Variants in CALN1 observed in about 807,000 individuals in gnomAD.
CALN1 encodes the protein calneuron 1, also known as calcium-binding protein 8.
A neutral mutation model predicts 30.6 loss-of-function variants in CALN1; 17 were observed. The observed-to-expected ratio is 0.56, with a 90% CI of 0.38 to 0.83. The LOEUF is 0.83. Among genes scored for constraint, CALN1 ranks in the 40% least tolerant of loss-of-function variants. CALN1 has a pLI of 0.00. For missense variants in CALN1, 291 were observed against 354.9 expected (o/e 0.82, Z 1.45); for synonymous variants, 156 against 131.4 (o/e 1.19, Z -1.28).
the CALN1 span, among the ~76,000 whole-genome samples, chr7:72,493,901 T>C: frequency 6.6e-6 from 1 of 152,202 alleles, no homozygotes; most frequent in Non-Finnish European, 1.5e-5. Flanking sequence ...CATGTATAAG[T>C]CTAGGGCTTG....
intron 5 of CALN1, among the ~76,000 whole-genome samples, chr7:71,820,325 A>G (rs939833388): frequency 5.9e-5 from 9 of 152,140 alleles, no homozygotes; most frequent in Non-Finnish European, 1.2e-4. Flanking sequence ...GACTGAACCA[A>G]TGTCATCTTA....
chr7:71,882,670 T>C (rs1436283259), intron 5 of CALN1, among the ~76,000 whole-genome samples: 2 of 151,870 alleles, frequency 1.3e-5, no homozygotes, highest in Admixed American at 6.6e-5. Flanking sequence ...TTTATTCCCT[T>C]GTCCTACTTA....
intron 2 of CALN1, among the ~76,000 whole-genome samples, chr7:72,346,748 T>G (rs551002759): frequency 8.5e-5 from 13 of 152,100 alleles, no homozygotes; most frequent in Non-Finnish European, 1.9e-4. Flanking sequence ...ACTCCTGACC[T>G]CAAGTGATCC....
chr7:72,356,242 AG>A (rs1056563649), intron 2 of CALN1, among the ~76,000 whole-genome samples: 8 of 150,310 alleles, frequency 5.3e-5, no homozygotes, highest in African/African-American at 2.0e-4. Context: ...CAGAGATGAA[AG>A]GGTAAGGAGC....
intron 2 of CALN1, among the ~76,000 whole-genome samples, chr7:72,367,214 T>TTA (rs1803929474): frequency 6.6e-6 from 1 of 152,124 alleles, no homozygotes; most frequent in South Asian, 2.1e-4. Context: ...AATGATAGCA[T>TTA]CTGGGGTCAC....
At chr7:71,930,007 C>T (rs1236503626) in intron 5 of CALN1, among the ~76,000 whole-genome samples, 1 of 152,178 alleles carries the variant, frequency 6.6e-6, no homozygotes, top group Non-Finnish European at 1.5e-5. Flanking sequence ...ATAACCTACG[C>T]ACATGTTCCT....
At chr7:71,862,985 G>A (rs1562850786) in intron 5 of CALN1, among the ~76,000 whole-genome samples, 2 of 152,194 alleles carry the variant, frequency 1.3e-5, no homozygotes, top group South Asian at 2.1e-4. Flanking sequence ...ACGGCTGGGC[G>A]TGGTGGCTCA....
intron 5 of CALN1, among the ~76,000 whole-genome samples, chr7:71,837,786 A>G (rs1789708540): frequency 6.6e-6 from 1 of 152,210 alleles, no homozygotes; most frequent in South Asian, 2.1e-4. Context: ...AAACACAGCT[A>G]TAGAACAAAA....
intron 4 of CALN1, among the ~76,000 whole-genome samples, chr7:72,078,791 T>C (rs774937863): frequency 1.3e-5 from 2 of 152,098 alleles, no homozygotes; most frequent in Middle Eastern, 3.4e-3. Flanking sequence ...CAAAAATTAG[T>C]TGGGCGTGGT....
At chr7:71,796,998 C>T (rs1405613143) in intron 6 of CALN1, among the ~76,000 whole-genome samples, 3 of 152,168 alleles carry the variant, frequency 2.0e-5, no homozygotes, top group Non-Finnish European at 4.4e-5. Context: ...TCACACTGCT[C>T]CACTCAGCAA....
intron 3 of CALN1, among the ~76,000 whole-genome samples, chr7:72,159,626 C>T (rs1206658981): frequency 1.3e-5 from 2 of 152,044 alleles, no homozygotes; most frequent in East Asian, 3.9e-4. Flanking sequence ...GGTGAAACCC[C>T]ACCTCCACTA....
At chr7:72,375,802 C>A (rs1804522964) in intron 2 of CALN1, among the ~76,000 whole-genome samples, 1 of 152,042 alleles carries the variant, frequency 6.6e-6, no homozygotes. Context: ...AATTTTACTT[C>A]TTTTTAAGTA....
chr7:72,497,520 A>T, the CALN1 span, among the ~76,000 whole-genome samples: 2 of 152,366 alleles, frequency 1.3e-5, no homozygotes, highest in East Asian at 3.9e-4. Flanking sequence ...ATACTTCAAG[A>T]TTTTTAATTA....
chr7:72,492,842 A>G, the CALN1 span, among the ~76,000 whole-genome samples: 97 of 152,350 alleles, frequency 6.4e-4, no homozygotes, highest in Non-Finnish European at 1.0e-3. Flanking sequence ...CATGCTATCC[A>G]GGACGTATGG....
At chr7:71,897,145 T>A (rs1425149809) in intron 5 of CALN1, among the ~76,000 whole-genome samples, 1 of 152,180 alleles carries the variant, frequency 6.6e-6, no homozygotes, top group Non-Finnish European at 1.5e-5. Flanking sequence ...TTTATGGACC[T>A]ACAAAAGGCC....
intron 5 of CALN1, among the ~76,000 whole-genome samples, chr7:71,886,509 A>G (rs1291259731): frequency 1.3e-5 from 2 of 152,226 alleles, no homozygotes; most frequent in African/African-American, 4.8e-5. Flanking sequence ...ATGGTGGCTC[A>G]TGCCTGTAAT....
At chr7:71,991,904 GA>G (rs780708965) in intron 5 of CALN1, among the ~76,000 whole-genome samples, 1 of 152,228 alleles carries the variant, frequency 6.6e-6, no homozygotes, top group Non-Finnish European at 1.5e-5. Context: ...TAAGCTGTTG[GA>G]ACTTTAAAAT....
At chr7:72,449,913 T>G, upstream of CALN1, among the ~76,000 whole-genome samples, 1 of 133,348 alleles carries the variant, frequency 7.5e-6, no homozygotes, top group African/African-American at 2.7e-5. Context: ...GAATATTCGG[T>G]CAGCTATTTA....
rs113461526 is a variant in CALN1 at position 71,889,879 on chromosome 7, C to T, written c.502-79387G>A. On this transcript the variant is annotated intron_variant, in intron 5 of 6. Coordinates refer to ENST00000395275, the MANE Select transcript of CALN1 (RefSeq NM_031468.4). ...ACTCTGGAGGCTGAGGCAGGAGAAT[C>T]ATTTGAACCTGGGAGGCAGAGGGTG... Among the ~76,000 whole-genome samples, 598 of 151,394 alleles carry T rather than the reference C, an allele frequency of 3.9e-3. 4 individuals carry two copies. The highest frequency in any genetic ancestry group is 0.014 in the African/African-American group (560 of 41,198).
Sources: gnomAD v4.1 joint callset for allele counts (sites outside exome capture counted in the v4.1 genomes callset) on GRCh38, gnomAD v4.1.1 for gene constraint, MANE v1.5 for transcripts, NCBI Gene and HGNC (gene_info 2026-07-23, HGNC 2026-07-21) for gene names.